The following R3HDM2 variants were observed in gnomAD, a reference collection of about 807,000 sequenced individuals.
R3HDM2 encodes the protein R3H domain containing 2.
A neutral mutation model predicts 124.5 loss-of-function variants in R3HDM2; 38 were observed. The observed-to-expected ratio is 0.31, with a 90% confidence interval of 0.24 to 0.40. The LOEUF is 0.40. Among genes scored for constraint, R3HDM2 ranks in the 10% least tolerant of loss-of-function variants. The probability of loss-of-function intolerance (pLI) is 1.00; values close to 1 mark genes in which losing one functional copy is unlikely to be tolerated. For missense variants in R3HDM2, 869 were observed against 1,236.9 expected (o/e 0.70, Z 4.46); for synonymous variants, 391 against 448.0 (o/e 0.87, Z 1.61).
chr12:57,292,727 C>T (rs2048896246), intron 10 of R3HDM2, 60 bp from the exon 11 acceptor site: 1 of 1,061,900 alleles, frequency 9.4e-7, no homozygotes. Flanking sequence ...GCTCACTGCA[C>T]ACCAGCAAGG....
intron 2 of R3HDM2, among the ~76,000 whole-genome samples, chr12:57,385,744 G>A (rs962739297): frequency 3.9e-5 from 6 of 152,038 alleles, no homozygotes; most frequent in Non-Finnish European, 7.4e-5. Flanking sequence ...ATGACTGGGA[G>A]AGAAGACATC....
At chr12:57,302,091 C>T (rs550068821) in intron 4 of R3HDM2, among the ~76,000 whole-genome samples, 2 of 151,296 alleles carry the variant, frequency 1.3e-5, no homozygotes, top group East Asian at 2.0e-4. Flanking sequence ...GAACAGCCTG[C>T]GTGACATGGC....
At chr12:57,345,579 G>A (rs1407723519) in intron 2 of R3HDM2, among the ~76,000 whole-genome samples, 1 of 151,738 alleles carries the variant, frequency 6.6e-6, no homozygotes, top group African/African-American at 2.4e-5. Context: ...TTAGCATCAG[G>A]CTGGAGTGCA....
At chr12:57,419,144 C>CTT (rs923524630) in intron 1 of R3HDM2, among the ~76,000 whole-genome samples, 18 of 139,276 alleles carry the variant, frequency 1.3e-4, no homozygotes, top group Non-Finnish European at 2.0e-4. Context: ...TTCTCCTTTC[C>CTT]TTTTTTTTTT....
At chr12:57,426,468 T>C (rs2070748612) in intron 1 of R3HDM2, among the ~76,000 whole-genome samples, 2 of 152,048 alleles carry the variant, frequency 1.3e-5, no homozygotes, top group African/African-American at 4.8e-5. Context: ...ATTGGTGGGG[T>C]TGAGGGTAGG....
At chr12:57,406,321 C>CAAAAAAAA (rs371243114) in intron 1 of R3HDM2, among the ~76,000 whole-genome samples, 1 of 55,362 alleles carries the variant, frequency 1.8e-5, no homozygotes. Flanking sequence ...AACTCCGTCT[C>CAAAAAAAA]AAAAAAAAAA....
chr12:57,267,893 A>T (rs903481951), intron 18 of R3HDM2, among the ~76,000 whole-genome samples: 1 of 152,208 alleles, frequency 6.6e-6, no homozygotes, highest in Admixed American at 6.5e-5. Flanking sequence ...ACTATGACCT[A>T]TATTCAGTTA....
intron 2 of R3HDM2, among the ~76,000 whole-genome samples, chr12:57,322,866 G>A (rs927079107): frequency 6.6e-6 from 1 of 152,124 alleles, no homozygotes; most frequent in African/African-American, 2.4e-5. Flanking sequence ...TGTCGGATGG[G>A]AAGGGTGCCT....
At chr12:57,358,831 G>A (rs765242369) in intron 2 of R3HDM2, among the ~76,000 whole-genome samples, 1 of 151,878 alleles carries the variant, frequency 6.6e-6, no homozygotes, top group Non-Finnish European at 1.5e-5. Flanking sequence ...TTAGAGAGTG[G>A]TGTTGAAATC....
intron 1 of R3HDM2, among the ~76,000 whole-genome samples, chr12:57,405,974 A>G (rs1177170006): frequency 1.3e-5 from 2 of 152,100 alleles, no homozygotes; most frequent in African/African-American, 4.8e-5. Context: ...ATAGGAGCCA[A>G]CTTGAAGAGG....
At chr12:57,316,753 T>G (rs868330004) in intron 2 of R3HDM2, among the ~76,000 whole-genome samples, 1 of 142,540 alleles carries the variant, frequency 7.0e-6, no homozygotes, top group Non-Finnish European at 1.5e-5. Context: ...GCCCAGCTAT[T>G]TTTTTTTTTT....
chr12:57,413,428 T>TAAAAAAA (rs748462019), intron 1 of R3HDM2, among the ~76,000 whole-genome samples: 3 of 106,516 alleles, frequency 2.8e-5, no homozygotes, highest in Non-Finnish European at 3.9e-5. Flanking sequence ...ACCTTCTATT[T>TAAAAAAA]AAAAAAAAAA....
intron 2 of R3HDM2, among the ~76,000 whole-genome samples, chr12:57,325,500 T>G (rs948146312): frequency 6.6e-6 from 1 of 152,098 alleles, no homozygotes; most frequent in Non-Finnish European, 1.5e-5. Flanking sequence ...ACCATAGACA[T>G]AGAAACCTAG....
intron 19 of R3HDM2, among the ~76,000 whole-genome samples, chr12:57,263,736 G>C (rs1465723632): frequency 6.6e-6 from 1 of 152,156 alleles, no homozygotes; most frequent in East Asian, 1.9e-4. Context: ...GCCTTCCAAA[G>C]TGATGGGATT....
At position 57,430,644 on chromosome 12, in the gene R3HDM2, C is replaced by T. The variant is rs1490141342; in HGVS notation, c.-106+76G>A. ...CCAGGCCGCGGGGCCTCCTCGCGCC[C>T]GCCCGTGCGGCCGCCACGCCCCCTC... is the stretch of plus-strand genomic sequence containing the variant. On this transcript the variant is annotated intron_variant, in intron 1 of 23. Coordinates refer to ENST00000402412, the MANE Select transcript of R3HDM2 (RefSeq NM_001394031.1). 7.3e-6 allele frequency: 7 copies of T among 962,440 alleles called. No homozygotes were observed. The South Asian group carries it at 2.9e-4, about 40-fold the overall frequency. The allele number at this position is 962,440 out of a possible 1,614,324, so 59.6% of individuals were successfully genotyped here.
intron 3 of R3HDM2, 96 bp downstream of exon 3, chr12:57,310,168 C>T: frequency 1.2e-6 from 1 of 851,962 alleles, no homozygotes; most frequent in Non-Finnish European, 1.7e-6. Context: ...CCTAATTGTG[C>T]CACTGCACTC....
chr12:57,269,232 C>A, intron 16 of R3HDM2, 91 bp downstream of exon 16: 3 of 1,563,692 alleles, frequency 1.9e-6, no homozygotes, highest in Non-Finnish European at 2.6e-6. Flanking sequence ...GCCCCTAGAC[C>A]CACCTTCATT....
At chr12:57,310,202 G>T in intron 3 of R3HDM2, 62 bp downstream of exon 3, 1 of 1,239,886 alleles carries the variant, frequency 8.1e-7, no homozygotes, top group Non-Finnish European at 1.1e-6. Flanking sequence ...AGACAGAGCT[G>T]GGTAACCCTG....
intron 1 of R3HDM2, among the ~76,000 whole-genome samples, chr12:57,424,114 CAAAAAAAAAAAAAA>C (rs35579430): frequency 1.9e-4 from 12 of 63,864 alleles, no homozygotes; most frequent in East Asian, 1.6e-3. Flanking sequence ...AACTCTGTCT[CAAAAAAAAAAAAAA>C]AAAAAAAAAA....
Sources: gnomAD v4.1 joint callset for allele counts (sites outside exome capture counted in the v4.1 genomes callset) on GRCh38, gnomAD v4.1.1 for gene constraint, MANE v1.5 for transcripts, NCBI Gene and HGNC (gene_info 2026-07-23, HGNC 2026-07-21) for gene names.